The following FOXP1 variants were observed in gnomAD, a reference collection of about 807,000 sequenced individuals.
FOXP1 encodes the protein forkhead box P1.
Under a neutral mutation model 98.2 loss-of-function variants are expected in FOXP1, and 15 were observed. The ratio of observed to expected loss-of-function variants is 0.15; its 90% CI spans 0.10 to 0.24. The LOEUF (loss-of-function observed/expected upper bound fraction) is 0.24, where lower values mean the gene tolerates loss of function less well. Among genes scored for constraint, FOXP1 ranks in the 10% least tolerant of loss-of-function variants. The pLI is 1.00. For missense variants in FOXP1, 633 were observed against 848.5 expected (o/e 0.75, Z 3.15); for synonymous variants, 371 against 314.5 (o/e 1.18, Z -1.90).
At chr3:70,965,819 G>T in intron 20 of FOXP1, 71 bp downstream of exon 20, 2 of 1,428,004 alleles carry the variant, frequency 1.4e-6, no homozygotes, top group South Asian at 1.1e-5. Flanking sequence ...CAGAGAAAGG[G>T]CTGTCTCCCT....
chr3:70,972,680 C>T lies in FOXP1; in HGVS notation c.1531-4G>A, dbSNP rs2107202128. 2 of 1,613,974 alleles carry T rather than the reference C, an allele frequency of 1.2e-6. No homozygotes were observed. Among genetic ancestry groups the T allele is most frequent in the Non-Finnish European group, 1.7e-6 (2 of 1,179,882 alleles). ...TAAGATTATGACGCACTGCATTCTGCAGCAAGTATAAAAGAGAGAACATTT... is the reference window on the plus strand; with the variant it reads ...TAAGATTATGACGCACTGCATTCTGTAGCAAGTATAAAAGAGAGAACATTT... On this transcript the variant is annotated splice_polypyrimidine_tract_variant and splice_region_variant and intron_variant, in intron 17 of 20. Coordinates refer to ENST00000649528, the MANE Select transcript of FOXP1 (RefSeq NM_001349338.3).
intron 7 of FOXP1, among the ~76,000 whole-genome samples, chr3:71,058,636 T>A (rs1409442664): frequency 6.6e-6 from 1 of 151,982 alleles, no homozygotes; most frequent in African/African-American, 2.4e-5. Context: ...CCAAGTTTTT[T>A]ATGACCATAT....
intron 4 of FOXP1, among the ~76,000 whole-genome samples, chr3:71,306,631 CAAAAAAAA>C (rs66479255): frequency 1.0e-3 from 43 of 42,842 alleles, no homozygotes; most frequent in African/African-American, 2.8e-3. Context: ...GAGAATAAGC[CAAAAAAAA>C]AAAAAAAAAA....
intron 4 of FOXP1, among the ~76,000 whole-genome samples, chr3:71,354,004 T>A (rs999777082): frequency 6.6e-6 from 1 of 151,960 alleles, no homozygotes; most frequent in Non-Finnish European, 1.5e-5. Context: ...TATATTTTTT[T>A]AAAAAAAGAG....
intron 6 of FOXP1, among the ~76,000 whole-genome samples, chr3:71,187,504 A>G (rs1346116260): frequency 6.6e-6 from 1 of 152,168 alleles, no homozygotes; most frequent in Non-Finnish European, 1.5e-5. Context: ...AATCACTTGA[A>G]CCTGGGAGGC....
At chr3:71,208,536 T>TTGTGTGTGTGTGTGTGTGCG (rs1553780527) in intron 5 of FOXP1, among the ~76,000 whole-genome samples, 40 of 149,346 alleles carry the variant, frequency 2.7e-4, no homozygotes, top group Admixed American at 2.1e-3. Flanking sequence ...GCATTTAAGT[T>TTGTGTGTGTGTGTGTGTGCG]TGTGTGTGTG....
intron 7 of FOXP1, among the ~76,000 whole-genome samples, chr3:71,056,726 G>A (rs9839454): frequency 0.079 from 12,035 of 151,820 alleles, 1,615 homozygotes; most frequent in African/African-American, 0.28. Context: ...TTTCCCCAAC[G>A]TTTCTGTTCT....
intron 10 of FOXP1, among the ~76,000 whole-genome samples, chr3:71,043,084 C>T (rs146610763): frequency 2.3e-3 from 356 of 152,150 alleles, no homozygotes; most frequent in South Asian, 5.2e-3. Context: ...CTGAGAGGAG[C>T]GTTAACAAAA....
rs1054840832 is a variant in FOXP1, at chr3:70,956,516, C to G, written c.*2731G>C. 4.4e-6 allele frequency: 1 copy of G among 228,406 alleles called. No homozygotes were observed. The allele number at this position is 228,406 out of a possible 1,614,324, so 14.1% of individuals were successfully genotyped here. On this transcript the variant is annotated 3_prime_UTR_variant, in exon 21 of 21. Transcript: ENST00000649528. ...TTTTTTTTTAAATTTTAATCATTCC[C>G]TAAAGGTTTGAACTGAGGTATGCGT...
At chr3:70,961,075 G>A (rs1422102259) in intron 20 of FOXP1, among the ~76,000 whole-genome samples, 3 of 151,574 alleles carry the variant, frequency 2.0e-5, no homozygotes, top group Non-Finnish European at 2.9e-5. Context: ...CTCGTGATCC[G>A]CCCGCCTTGG....
rs2038704226 is a variant in FOXP1 at position 70,980,823 on chromosome 3, G to A, written c.1147-2794C>T. 4.6e-5 allele frequency among the ~76,000 whole-genome samples: 7 copies of A among 152,166 alleles called. No homozygotes were observed. The South Asian group carries it at 1.4e-3, about 31-fold the overall frequency. ...CGCTTACCATCAAACACATACGTCA[G>A]TCAAAGGGCAAAGGTACACAGTAAC... On this transcript the variant is annotated intron_variant, in intron 14 of 20. Coordinates refer to ENST00000649528, the MANE Select transcript of FOXP1 (RefSeq NM_001349338.3).
chr3:71,003,259 T>C (rs939271040), intron 12 of FOXP1, among the ~76,000 whole-genome samples: 5 of 152,208 alleles, frequency 3.3e-5, no homozygotes, highest in Admixed American at 6.5e-5. Flanking sequence ...TTGAAGATAA[T>C]GAAACGCAGT....
intron 6 of FOXP1, among the ~76,000 whole-genome samples, chr3:71,156,904 C>A (rs1560036003): frequency 6.6e-6 from 1 of 152,240 alleles, no homozygotes; most frequent in Non-Finnish European, 1.5e-5. Flanking sequence ...CTGCCTGCCA[C>A]ACTGGGCCAG....
intron 3 of FOXP1, among the ~76,000 whole-genome samples, chr3:71,437,281 A>G (rs1171058887): frequency 6.6e-6 from 1 of 152,100 alleles, no homozygotes; most frequent in Non-Finnish European, 1.5e-5. Flanking sequence ...GTGGTGCACA[A>G]CTGTTGTCCT....
intron 5 of FOXP1, among the ~76,000 whole-genome samples, chr3:71,216,626 G>C (rs1355198020): frequency 6.6e-6 from 1 of 152,030 alleles, no homozygotes; most frequent in Non-Finnish European, 1.5e-5. Context: ...CTAGCAGCTT[G>C]GTAAGCAGAC....
chr3:71,581,443 T>C (rs758648645), intron 2 of FOXP1, 106 bp downstream of exon 2: 4 of 985,506 alleles, frequency 4.1e-6, no homozygotes, highest in Non-Finnish European at 3.6e-6. Flanking sequence ...GCCTTATCGC[T>C]AGGCTCGCGC....
intron 3 of FOXP1, among the ~76,000 whole-genome samples, chr3:71,461,946 C>A (rs971631104): frequency 6.6e-6 from 1 of 152,106 alleles, no homozygotes; most frequent in South Asian, 2.1e-4. Context: ...GAGAACTTAA[C>A]CCTCCCCAGA....
intron 7 of FOXP1, among the ~76,000 whole-genome samples, chr3:71,079,471 A>G (rs1250242526): frequency 6.6e-6 from 1 of 152,116 alleles, no homozygotes; most frequent in South Asian, 2.1e-4. Context: ...TCATCTCAGC[A>G]TATTAACTCT....
chr3:71,054,275 C>G (rs962435109), intron 7 of FOXP1, among the ~76,000 whole-genome samples: 4 of 152,226 alleles, frequency 2.6e-5, no homozygotes, highest in Admixed American at 1.3e-4. Context: ...ACCTTCCGAA[C>G]TTAAACACAG....
Sources: allele counts gnomAD v4.1 joint callset (sites outside exome capture counted in the v4.1 genomes callset), GRCh38; gene constraint gnomAD v4.1.1; transcripts MANE v1.5; gene names NCBI Gene and HGNC (gene_info 2026-07-23, HGNC 2026-07-21).